CNTN5: variants seen among roughly 807,000 people sequenced by gnomAD.
CNTN5 encodes contactin 5.
Under a neutral mutation model 129.1 loss-of-function variants are expected in CNTN5, and 77 were observed. The ratio of observed to expected loss-of-function variants is 0.60; its 90% CI spans 0.50 to 0.72. CNTN5 has a LOEUF of 0.72. CNTN5 is among the 30% of genes least tolerant of loss of function. CNTN5 has a pLI of 0.00. For missense variants in CNTN5, 1,478 were observed against 1,328.8 expected (o/e 1.11, Z -1.75); for synonymous variants, 509 against 465.6 (o/e 1.09, Z -1.20).
chr11:99,040,772 A>G (rs1863954684), intron 1 of CNTN5, among the ~76,000 whole-genome samples: 1 of 152,106 alleles, frequency 6.6e-6, no homozygotes, highest in Non-Finnish European at 1.5e-5. Flanking sequence ...TCAATTTTTA[A>G]ATGTTTTGTT....
chr11:100,299,130 T>C (rs905790240), intron 19 of CNTN5, 32 bp from the exon 20 acceptor site: 12 of 1,335,826 alleles, frequency 9.0e-6, no homozygotes, highest in Non-Finnish European at 1.2e-5. Context: ...TCAATCATTT[T>C]GCTGATAATT....
At chr11:99,376,998 T>C (rs1280210203) in intron 2 of CNTN5, among the ~76,000 whole-genome samples, 2 of 152,190 alleles carry the variant, frequency 1.3e-5, no homozygotes, top group African/African-American at 4.8e-5. Flanking sequence ...GAAATGTACT[T>C]AACATGGTGT....
At chr11:100,325,997 T>G (rs1322834489) in intron 21 of CNTN5, among the ~76,000 whole-genome samples, 1 of 152,118 alleles carries the variant, frequency 6.6e-6, no homozygotes, top group African/African-American at 2.4e-5. Flanking sequence ...CTAACCTCAA[T>G]GAGATAAACG....
chr11:99,466,836 T>A (rs1035743023), intron 2 of CNTN5, among the ~76,000 whole-genome samples: 9 of 152,240 alleles, frequency 5.9e-5, no homozygotes, highest in East Asian at 5.8e-4. Flanking sequence ...GATTTTTTTT[T>A]AAATACGGAT....
intron 9 of CNTN5, among the ~76,000 whole-genome samples, chr11:100,031,492 A>C (rs796977593): frequency 5.6e-4 from 85 of 152,332 alleles, no homozygotes; most frequent in African/African-American, 1.9e-3. Context: ...CTGTCCATAC[A>C]GATAAGATAG....
intron 1 of CNTN5, among the ~76,000 whole-genome samples, chr11:99,292,812 T>A (rs575915715): frequency 2.6e-5 from 4 of 151,894 alleles, no homozygotes; most frequent in Non-Finnish European, 5.9e-5. Context: ...CCTTGGGAGG[T>A]AGAGTAGAAG....
intron 8 of CNTN5, among the ~76,000 whole-genome samples, chr11:99,983,132 GAC>G (rs10597620): frequency 0.38 from 57,012 of 151,916 alleles, 10,970 homozygotes; most frequent in African/African-American, 0.44. Context: ...AATGCAATGA[GAC>G]ATGTACTAAG....
chr11:100,093,596 T>C (rs1944879537), intron 13 of CNTN5, among the ~76,000 whole-genome samples: 1 of 152,046 alleles, frequency 6.6e-6, no homozygotes, highest in Non-Finnish European at 1.5e-5. Flanking sequence ...TGCACACCCC[T>C]ATTTAATTGA....
chr11:99,265,358 T>G (rs2135837570), intron 1 of CNTN5, among the ~76,000 whole-genome samples: 1 of 152,198 alleles, frequency 6.6e-6, no homozygotes, highest in South Asian at 2.1e-4. Flanking sequence ...TTATCATTGC[T>G]TTTGCCACTG....
At chr11:99,291,056 G>C (rs1014023267) in intron 1 of CNTN5, among the ~76,000 whole-genome samples, 1 of 151,800 alleles carries the variant, frequency 6.6e-6, no homozygotes, top group African/African-American at 2.4e-5. Flanking sequence ...ACTAATTCAT[G>C]ACTAAGGAAC....
chr11:99,670,205 C>A (rs957919962), intron 3 of CNTN5, among the ~76,000 whole-genome samples: 4 of 151,990 alleles, frequency 2.6e-5, no homozygotes, highest in Admixed American at 6.6e-5. Context: ...ATGAAGTCAC[C>A]CTATTGCAAA....
At position 99,380,781 on chromosome 11, in the gene CNTN5, AAAAAAGAAAAG is replaced by A. The variant is rs1165813702; in HGVS notation, c.-71+55303_-71+55313del. 2.2e-4 allele frequency among the ~76,000 whole-genome samples: 33 copies of A among 148,446 alleles called. No homozygotes were observed. In the East Asian group the frequency reaches 3.7e-3, roughly 17 times the overall value. Reference sequence around the variant, plus strand: ...GAAACTCTATCTCAAAAAAAAAAAAAAAAAAGAAAAGAAAAAAGAAAAGAAAAAGAAACCCA... The same window carrying A: ...GAAACTCTATCTCAAAAAAAAAAAAAAAAAAAGAAAAGAAAAAGAAACCCA... On this transcript the variant is annotated intron_variant, in intron 2 of 24. Coordinates refer to ENST00000524871, the MANE Select transcript of CNTN5 (RefSeq NM_014361.4).
chr11:99,426,056 C>T lies in CNTN5; in HGVS notation c.-71+100572C>T, dbSNP rs374206781. Among the ~76,000 whole-genome samples, 48 of 152,300 alleles carry T rather than the reference C, an allele frequency of 3.2e-4. 2 individuals carry two copies. The highest frequency in any genetic ancestry group is 1.1e-3 in the African/African-American group (46 of 41,558). On this transcript the variant is annotated intron_variant, in intron 2 of 24. Transcript: ENST00000524871. ...ACAGGAACCTCATACAATTTTGCAA[C>T]ACATATTAATAGCATATTTATAAAA...
At chr11:99,029,392 G>C (rs1863256424) in intron 1 of CNTN5, among the ~76,000 whole-genome samples, 1 of 151,642 alleles carries the variant, frequency 6.6e-6, no homozygotes, top group African/African-American at 2.4e-5. Context: ...TATGCTTTTG[G>C]GGATTCAAAG....
At chr11:100,129,074 T>C (rs1227748626) in intron 13 of CNTN5, among the ~76,000 whole-genome samples, 2 of 152,174 alleles carry the variant, frequency 1.3e-5, no homozygotes, top group Admixed American at 6.6e-5. Context: ...CCACTTTATT[T>C]GTTGTGATAT....
chr11:99,209,037 A>AT (rs1194470497), intron 1 of CNTN5, among the ~76,000 whole-genome samples: 4 of 152,166 alleles, frequency 2.6e-5, no homozygotes, highest in Non-Finnish European at 5.9e-5. Context: ...AATCTATTTT[A>AT]ATAATGTTGC....
At chr11:99,115,205 C>T (rs1267787700) in intron 1 of CNTN5, among the ~76,000 whole-genome samples, 4 of 152,126 alleles carry the variant, frequency 2.6e-5, no homozygotes, top group Non-Finnish European at 4.4e-5. Flanking sequence ...GTAAGAAAGA[C>T]CGGGGCTAGG....
intron 13 of CNTN5, among the ~76,000 whole-genome samples, chr11:100,159,316 T>C (rs1012986930): frequency 4.0e-5 from 6 of 151,866 alleles, no homozygotes; most frequent in Non-Finnish European, 1.5e-5. Flanking sequence ...AATGATTACA[T>C]AGGTGTTCCC....
rs201847853 is a variant in CNTN5 at position 100,059,536 on chromosome 11, AC to A, written c.981-1675del. Among the ~76,000 whole-genome samples, 1,033 of 152,276 alleles carry A rather than the reference AC, an allele frequency of 6.8e-3. 14 individuals carry two copies. Among genetic ancestry groups the A allele is most frequent in the African/African-American group, 0.023 (937 of 41,556 alleles). ...TAAAGCAAGCAAAATAATAAAAAAA[AC>A]ATAAGCAAACATTTCACAGAAATGC... On this transcript the variant is annotated intron_variant, in intron 9 of 24. Transcript: ENST00000524871.
Sources: allele counts gnomAD v4.1 joint callset (sites outside exome capture counted in the v4.1 genomes callset), GRCh38; gene constraint gnomAD v4.1.1; transcripts MANE v1.5; gene names NCBI Gene and HGNC (gene_info 2026-07-23, HGNC 2026-07-21).